C22orf31: variants seen among roughly 807,000 people sequenced by gnomAD.
C22orf31 encodes the protein chromosome 22 open reading frame 31.
C22orf31 carries 11 observed loss-of-function variants against 15.0 expected under a neutral mutation model. The ratio of observed to expected loss-of-function variants is 0.73; its 90% CI spans 0.46 to 1.21. The LOEUF (loss-of-function observed/expected upper bound fraction) is 1.21, where lower values mean the gene tolerates loss of function less well. Ranked by LOEUF, C22orf31 falls within the 50% of genes most tolerant of loss-of-function variation. The probability of loss-of-function intolerance (pLI) is 0.00; values close to 1 mark genes in which losing one functional copy is unlikely to be tolerated. For synonymous variants in C22orf31, 132 were observed against 133.3 expected (o/e 0.99, Z 0.07); for missense variants, 340 against 347.2 (o/e 0.98, Z 0.17).
At chr22:29,063,570 C>T (rs1007709581), upstream of C22orf31, among the ~76,000 whole-genome samples, 5 of 152,214 alleles carry the variant, frequency 3.3e-5, no homozygotes, top group Non-Finnish European at 5.9e-5. Context: ...TAACTCACTT[C>T]AATTGACTAT....
chr22:29,062,263 G>A (rs551499708), upstream of C22orf31, among the ~76,000 whole-genome samples: 3 of 152,166 alleles, frequency 2.0e-5, no homozygotes, highest in East Asian at 5.8e-4. Flanking sequence ...CCCTACATGT[G>A]CAAAAGTGCC....
At position 29,059,019 on chromosome 22, in the gene C22orf31, G is replaced by A. The variant is rs755409332; in HGVS notation, c.596C>T (p.Ser199Leu). ...LPETQKRQQL[S>L]EDTLTIHGLP... ...ACCATGGATGGTTAGCGTGTCCTCCGACAACTGCTGTCTCTTTTGGGTTTC... is the reference window on the plus strand; with the variant it reads ...ACCATGGATGGTTAGCGTGTCCTCCAACAACTGCTGTCTCTTTTGGGTTTC... The change falls in exon 3 of 3, where the codon TCG (serine) becomes TTG (leucine). Residue 199 changes from serine (S) to leucine (L), a missense_variant. Transcript: ENST00000216071. 91 of 1,614,078 alleles carry A rather than the reference G, an allele frequency of 5.6e-5. No individual in the cohort carries two copies. The highest frequency in any genetic ancestry group is 7.1e-5 in the Non-Finnish European group (84 of 1,180,044).
chr22:29,061,572 A>C (rs976046047), intron 1 of C22orf31, among the ~76,000 whole-genome samples: 1 of 152,112 alleles, frequency 6.6e-6, no homozygotes, highest in Non-Finnish European at 1.5e-5. Flanking sequence ...GGCTGAATAC[A>C]CTTTCTAACC....
At position 29,059,006 on chromosome 22, in the gene C22orf31, T is replaced by G. The variant is rs1009764848; in HGVS notation, c.609A>C (p.Leu203=). ...CCTCTGTGGGGAGACCATGGATGGTTAGCGTGTCCTCCGACAACTGCTGTC... is the reference window on the plus strand; with the variant it reads ...CCTCTGTGGGGAGACCATGGATGGTGAGCGTGTCCTCCGACAACTGCTGTC... The part of the protein sequence containing the change: ...QKRQQLSEDT[L]TIHGLPTEGY... Residue 203 remains leucine, a synonymous_variant, in exon 3 of 3, where the codon CTA becomes CTC. Coordinates refer to ENST00000216071, the MANE Select transcript of C22orf31 (RefSeq NM_015370.2). The G allele has an allele frequency of 6.2e-7, 1 of 1,614,078 alleles. No homozygotes were observed. The highest frequency in any genetic ancestry group is 1.3e-5 in the African/African-American group (1 of 74,928).
chr22:29,071,904 G>A, the C22orf31 span, among the ~76,000 whole-genome samples: 1 of 152,206 alleles, frequency 6.6e-6, no homozygotes, highest in Admixed American at 6.5e-5. Flanking sequence ...TGCGTTGGGC[G>A]TTTTACTTGC....
At chr22:29,061,099 G>A (rs1294390193) in intron 1 of C22orf31, among the ~76,000 whole-genome samples, 1 of 152,044 alleles carries the variant, frequency 6.6e-6, no homozygotes, top group Non-Finnish European at 1.5e-5. Flanking sequence ...GGAAGTCGGG[G>A]GTCAGGGAGG....
chr22:29,064,598 C>T (rs748397276), upstream of C22orf31, among the ~76,000 whole-genome samples: 1 of 150,310 alleles, frequency 6.7e-6, no homozygotes, highest in Admixed American at 6.7e-5. Context: ...ATGAGAGCCT[C>T]GACCTCCTGG....
the C22orf31 span, among the ~76,000 whole-genome samples, chr22:29,072,371 C>G: frequency 1.3e-5 from 2 of 152,054 alleles, no homozygotes; most frequent in Admixed American, 1.3e-4. Flanking sequence ...AGCGATTCTT[C>G]CGTCTCGGCC....
intron 2 of C22orf31, chr22:29,059,822 C>A (rs2037364297): frequency 1.0e-6 from 1 of 985,142 alleles, no homozygotes; most frequent in South Asian, 4.7e-5. Flanking sequence ...TTCCTTCTCA[C>A]CCTTATTTTT....
chr22:29,063,311 G>T (rs751548652), upstream of C22orf31, among the ~76,000 whole-genome samples: 2 of 152,074 alleles, frequency 1.3e-5, no homozygotes, highest in South Asian at 4.1e-4. Flanking sequence ...GATTACAGGC[G>T]CGGACCACCA....
At chr22:29,063,149 T>C (rs2037407041), upstream of C22orf31, among the ~76,000 whole-genome samples, 1 of 152,166 alleles carries the variant, frequency 6.6e-6, no homozygotes, top group Non-Finnish European at 1.5e-5. Context: ...CCGTTAGATT[T>C]ACTCTGCTAG....
At chr22:29,061,091 AAGTCGGGGGTCAGGG>A (rs2037386188) in intron 1 of C22orf31, among the ~76,000 whole-genome samples, 3 of 152,080 alleles carry the variant, frequency 2.0e-5, no homozygotes. Context: ...CCAGGGCAGG[AAGTCGGGGGTCAGGG>A]AGGGTTCACA....
At chr22:29,059,628 G>A (rs2037360652) in intron 2 of C22orf31, 1 of 940,924 alleles carries the variant, frequency 1.1e-6, no homozygotes, top group African/African-American at 1.8e-5. Flanking sequence ...CTCAATTACA[G>A]TCCGAGTTGG....
chr22:29,063,478 C>T (rs997165274), upstream of C22orf31, among the ~76,000 whole-genome samples: 1 of 152,166 alleles, frequency 6.6e-6, no homozygotes, highest in Non-Finnish European at 1.5e-5. Flanking sequence ...TCTCCTTCTT[C>T]CAGCAGAGAG....
upstream of C22orf31, chr22:29,061,848 A>G: frequency 7.3e-7 from 1 of 1,365,048 alleles, no homozygotes; most frequent in Non-Finnish European, 1.0e-6. Flanking sequence ...AGAAATATGT[A>G]TTTTCTCTTT....
the C22orf31 span, among the ~76,000 whole-genome samples, chr22:29,071,734 C>T: frequency 6.6e-6 from 1 of 152,036 alleles, no homozygotes; most frequent in Admixed American, 6.5e-5. Flanking sequence ...CGACCGACCC[C>T]GGGTGCGGCA....
chr22:29,061,159 G>A (rs1217074035), intron 1 of C22orf31, among the ~76,000 whole-genome samples: 1 of 152,134 alleles, frequency 6.6e-6, no homozygotes, highest in Non-Finnish European at 1.5e-5. Context: ...GATACGGACG[G>A]CAGGGTCACT....
intron 2 of C22orf31, chr22:29,059,632 G>C: frequency 3.2e-6 from 3 of 950,604 alleles, no homozygotes; most frequent in Non-Finnish European, 3.8e-6. Flanking sequence ...ATTACAGTCC[G>C]AGTTGGGATT....
chr22:29,060,064 C>T lies in C22orf31; in HGVS notation c.432+351G>A, dbSNP rs1234351839. The T allele has an allele frequency of 4.1e-6, 3 of 734,294 alleles. No homozygotes were observed. The African/African-American group carries it at 6.7e-5, about 16-fold the overall frequency. 45.5% of individuals were successfully genotyped at this position (734,294 alleles called of 1,614,324 possible). A position where few individuals can be genotyped will look rare whatever the true frequency, so the allele number is the denominator to read the frequency against. On this transcript the variant is annotated intron_variant, in intron 2 of 2. Coordinates refer to ENST00000216071, the MANE Select transcript of C22orf31 (RefSeq NM_015370.2). ...TTTTTATTTTTTAGACAGGGTCTTG[C>T]TCTGTTGCCCAATCAGGAATGCAGT...
Sources: gnomAD v4.1 joint callset for allele counts (sites outside exome capture counted in the v4.1 genomes callset) on GRCh38, gnomAD v4.1.1 for gene constraint, MANE v1.5 for transcripts, NCBI Gene and HGNC (gene_info 2026-07-23, HGNC 2026-07-21) for gene names.